The following ZFHX3 variants were observed in gnomAD, a reference collection of about 807,000 sequenced individuals.
The protein encoded by ZFHX3 is zinc finger homeobox 3.
ZFHX3 carries 42 observed loss-of-function variants against 279.1 expected under a neutral mutation model. That is an observed-to-expected ratio of 0.15 (90% CI 0.12 to 0.19). The LOEUF is 0.19. ZFHX3 is among the 10% of genes least tolerant of loss of function. The pLI is 1.00. For synonymous variants in ZFHX3, 2,293 were observed against 1,957.8 expected (o/e 1.17, Z -4.52); for missense variants, 4,981 against 4,754.0 (o/e 1.05, Z -1.40).
At chr16:73,766,041 G>C (rs2142287320) in intron 1 of ZFHX3, among the ~76,000 whole-genome samples, 1 of 152,246 alleles carries the variant, frequency 6.6e-6, no homozygotes, top group Admixed American at 6.5e-5. Flanking sequence ...CTAGTCCCTG[G>C]AGCAGAATTT....
At chr16:73,501,696 C>A (rs1306613788) in intron 2 of ZFHX3, among the ~76,000 whole-genome samples, 1 of 151,988 alleles carries the variant, frequency 6.6e-6, no homozygotes, top group Non-Finnish European at 1.5e-5. Context: ...ACTCAAACTG[C>A]GAACAAAATG....
At chr16:73,239,826 C>G (rs2013064613) in intron 5 of ZFHX3, among the ~76,000 whole-genome samples, 1 of 152,174 alleles carries the variant, frequency 6.6e-6, no homozygotes, top group African/African-American at 2.4e-5. Context: ...TGGAAATGCA[C>G]TGATTCTTGT....
rs71705565 is a variant in ZFHX3, at chr16:73,483,347, G to GACAA, written c.-1546-27090_-1546-27089insTTGT. ...CGAGCGAGTGAGAGACAGAGAGAGAGAGAAAGAGAGAGAGAGAGAGAGTTC... is the reference window on the plus strand; with the variant it reads ...CGAGCGAGTGAGAGACAGAGAGAGAGACAAAGAAAGAGAGAGAGAGAGAGAGTTC... On this transcript the variant is annotated intron_variant, in intron 2 of 17. Transcript: ENST00000641206. The GACAA allele has an allele frequency of 2.9e-3, 1,078 of 377,068 alleles. 4 individuals are homozygous for GACAA. Among genetic ancestry groups the GACAA allele is most frequent in the African/African-American group, 0.017 (574 of 32,922 alleles). 23.4% of individuals were successfully genotyped at this position (377,068 alleles called of 1,614,324 possible). A position where few individuals can be genotyped will look rare whatever the true frequency, so the allele number is the denominator to read the frequency against.
chr16:73,050,662 G>A (rs1045174834), upstream of ZFHX3, among the ~76,000 whole-genome samples: 1 of 152,184 alleles, frequency 6.6e-6, no homozygotes, highest in African/African-American at 2.4e-5. Context: ...AGCTCTGGAA[G>A]CCCTGGCTCT....
At chr16:73,629,792 A>T (rs2052451183) in intron 2 of ZFHX3, among the ~76,000 whole-genome samples, 1 of 152,178 alleles carries the variant, frequency 6.6e-6, no homozygotes, top group Admixed American at 6.5e-5. Flanking sequence ...TGGAAATCCT[A>T]CTAGTTAAAA....
intron 1 of ZFHX3, among the ~76,000 whole-genome samples, chr16:73,762,193 CA>C (rs1175467836): frequency 6.7e-6 from 1 of 150,046 alleles, no homozygotes; most frequent in African/African-American, 2.4e-5. Context: ...GATGCTTCTC[CA>C]AAGAAGATAT....
At chr16:73,177,115 C>G (rs529121407) in intron 5 of ZFHX3, among the ~76,000 whole-genome samples, 1 of 152,284 alleles carries the variant, frequency 6.6e-6, no homozygotes, top group South Asian at 2.1e-4. Flanking sequence ...AAATTAATAT[C>G]TGCACTCCAG....
At chr16:73,613,450 G>GT (rs199548900) in intron 2 of ZFHX3, among the ~76,000 whole-genome samples, 2,829 of 125,386 alleles carry the variant, frequency 0.023, 98 homozygotes, top group African/African-American at 0.073. Context: ...TTTTTTGTTT[G>GT]TTTGTTTTTT....
intron 5 of ZFHX3, among the ~76,000 whole-genome samples, chr16:73,176,938 T>C (rs2144873901): frequency 6.6e-6 from 1 of 152,168 alleles, no homozygotes; most frequent in South Asian, 2.1e-4. Flanking sequence ...CCACCTAGAT[T>C]TGCAGCATCA....
intron 2 of ZFHX3, among the ~76,000 whole-genome samples, chr16:73,480,825 A>C (rs2018852821): frequency 6.6e-6 from 1 of 152,160 alleles, no homozygotes; most frequent in African/African-American, 2.4e-5. Context: ...CCCTTATGGG[A>C]GCAGCCTCAC....
At chr16:73,842,831 C>A (rs1044388080) in intron 1 of ZFHX3, among the ~76,000 whole-genome samples, 1 of 152,128 alleles carries the variant, frequency 6.6e-6, no homozygotes, top group Non-Finnish European at 1.5e-5. Flanking sequence ...TGCCCCCTCC[C>A]CACCCACCGC....
chr16:73,277,713 A>G (rs2014336838), intron 4 of ZFHX3, among the ~76,000 whole-genome samples: 1 of 152,192 alleles, frequency 6.6e-6, no homozygotes, highest in Non-Finnish European at 1.5e-5. Context: ...TCTCTGCATG[A>G]GTCCATTCTC....
chr16:73,428,870 C>T (rs1027016826), intron 3 of ZFHX3, among the ~76,000 whole-genome samples: 1 of 152,110 alleles, frequency 6.6e-6, no homozygotes, highest in African/African-American at 2.4e-5. Flanking sequence ...TTCTCTATTG[C>T]GTTCTTCCCG....
chr16:73,017,458 T>C (rs1964144166), intron 1 of ZFHX3, among the ~76,000 whole-genome samples: 1 of 152,110 alleles, frequency 6.6e-6, no homozygotes, highest in Non-Finnish European at 1.5e-5. Context: ...CTGCCCCGCT[T>C]TCCAGTGGTG....
intron 3 of ZFHX3, among the ~76,000 whole-genome samples, chr16:73,403,953 T>C (rs1049052529): frequency 5.9e-5 from 9 of 152,022 alleles, no homozygotes; most frequent in African/African-American, 2.2e-4. Flanking sequence ...ATTTTTTTTT[T>C]CCAGGCGAAA....
At chr16:73,418,384 T>C (rs920012196) in intron 3 of ZFHX3, among the ~76,000 whole-genome samples, 1 of 151,722 alleles carries the variant, frequency 6.6e-6, no homozygotes, top group Non-Finnish European at 1.5e-5. Flanking sequence ...GAATAGGGAG[T>C]CCCCCTGTCA....
intron 3 of ZFHX3, among the ~76,000 whole-genome samples, chr16:73,418,934 C>T (rs1043014679): frequency 2.0e-5 from 3 of 152,286 alleles, no homozygotes; most frequent in Admixed American, 6.5e-5. Context: ...TAGAGAAAGC[C>T]ACCTCCCAAT....
intron 2 of ZFHX3, among the ~76,000 whole-genome samples, chr16:73,477,548 G>T (rs1353690525): frequency 1.3e-5 from 2 of 152,214 alleles, no homozygotes; most frequent in Non-Finnish European, 2.9e-5. Context: ...TCTGTGTCCT[G>T]CATGGACCAA....
chr16:73,675,915 A>C (rs992373555), intron 2 of ZFHX3, among the ~76,000 whole-genome samples: 1 of 152,126 alleles, frequency 6.6e-6, no homozygotes, highest in Admixed American at 6.6e-5. Flanking sequence ...AAATTACAAA[A>C]TTTTGAGGGG....
Sources: gnomAD v4.1 joint callset for allele counts (sites outside exome capture counted in the v4.1 genomes callset) on GRCh38, gnomAD v4.1.1 for gene constraint, MANE v1.5 for transcripts, NCBI Gene and HGNC (gene_info 2026-07-23, HGNC 2026-07-21) for gene names.